The following DPYSL3 variants were observed in gnomAD, a reference collection of about 807,000 sequenced individuals.
DPYSL3 encodes dihydropyrimidinase-related protein 3.
Under a neutral mutation model 66.1 loss-of-function variants are expected in DPYSL3, and 16 were observed. That is an observed-to-expected ratio of 0.24 (90% confidence interval 0.16 to 0.37). DPYSL3 has a LOEUF of 0.37. Among genes scored for constraint, DPYSL3 ranks in the 10% least tolerant of loss-of-function variants. The pLI is 1.00. For synonymous variants in DPYSL3, 338 were observed against 345.1 expected, an observed-to-expected ratio of 0.98 and a Z score of 0.23; for missense variants, 738 against 916.2, an observed-to-expected ratio of 0.81 and a Z score of 2.51.
intron 12 of DPYSL3, among the ~76,000 whole-genome samples, chr5:147,395,965 G>C (rs1423656196): frequency 6.6e-6 from 1 of 152,150 alleles, no homozygotes; most frequent in African/African-American, 2.4e-5. Flanking sequence ...AAGGATCAAA[G>C]GACGTTGCTA....
intron 1 of DPYSL3, among the ~76,000 whole-genome samples, chr5:147,443,811 C>T (rs1011322081): frequency 3.3e-5 from 5 of 152,048 alleles, no homozygotes; most frequent in African/African-American, 1.2e-4. Context: ...TAATTCAATG[C>T]AAAGATGCTG....
chr5:147,477,939 G>A lies in DPYSL3; in HGVS notation c.381+31539C>T, dbSNP rs933852149. 4.6e-5 allele frequency among the ~76,000 whole-genome samples: 7 copies of A among 152,308 alleles called. No homozygotes were observed. The East Asian group carries it at 7.7e-4, about 17-fold the overall frequency. On this transcript the variant is annotated intron_variant, in intron 1 of 13. Coordinates refer to ENST00000343218, the MANE Select transcript of DPYSL3 (RefSeq NM_001197294.2). ...GATAAAGAAAAGATGTTAAAGGCAA[G>A]CAGAGAGAAAAGGAAGACTGCCTTT...
intron 1 of DPYSL3, among the ~76,000 whole-genome samples, chr5:147,437,383 A>G (rs1752431736): frequency 6.6e-6 from 1 of 152,224 alleles, no homozygotes; most frequent in Non-Finnish European, 1.5e-5. Context: ...ATGACAGGCA[A>G]TAGCTCCCCA....
intron 1 of DPYSL3, among the ~76,000 whole-genome samples, chr5:147,461,798 G>A (rs79974281): frequency 6.6e-6 from 1 of 152,026 alleles, no homozygotes; most frequent in Admixed American, 6.6e-5. Flanking sequence ...CCACCTAGCA[G>A]TCATTTTCAC....
At chr5:147,394,717 C>T (rs1356735890) in intron 13 of DPYSL3, among the ~76,000 whole-genome samples, 1 of 151,884 alleles carries the variant, frequency 6.6e-6, no homozygotes, top group Non-Finnish European at 1.5e-5. Flanking sequence ...AAAAAAATTG[C>T]TTATGACTAG....
intron 1 of DPYSL3, among the ~76,000 whole-genome samples, chr5:147,439,272 C>T (rs983229379): frequency 4.6e-5 from 7 of 151,674 alleles, no homozygotes; most frequent in Admixed American, 1.3e-4. Flanking sequence ...GATAAGGGGA[C>T]GGTGGAGGCT....
At chr5:147,478,445 A>G (rs915975128) in intron 1 of DPYSL3, among the ~76,000 whole-genome samples, 2 of 152,206 alleles carry the variant, frequency 1.3e-5, no homozygotes, top group Non-Finnish European at 2.9e-5. Context: ...AGAAGATGGT[A>G]CCTTTGGAAA....
At chr5:147,419,138 G>A (rs182149132) in intron 2 of DPYSL3, among the ~76,000 whole-genome samples, 23 of 152,228 alleles carry the variant, frequency 1.5e-4, no homozygotes, top group African/African-American at 5.3e-4. Flanking sequence ...TTCTGTCTGG[G>A]TTATTTCCCA....
intron 1 of DPYSL3, among the ~76,000 whole-genome samples, chr5:147,467,365 A>C (rs900286007): frequency 3.3e-5 from 5 of 152,200 alleles, no homozygotes; most frequent in African/African-American, 9.7e-5. Flanking sequence ...TTGCTGGTGT[A>C]TATCATTATA....
intron 1 of DPYSL3, among the ~76,000 whole-genome samples, chr5:147,444,850 T>C (rs535290361): frequency 2.6e-4 from 40 of 152,240 alleles, no homozygotes; most frequent in African/African-American, 9.2e-4. Context: ...CCATTCCATG[T>C]AAATGTCCAG....
Position 147,509,536 on chromosome 5 carries a change from AC to A in DPYSL3, c.322del (p.Val108Ter). ...TTTGCCGGTGGCGCTCCGGATCTCT[AC>A]CCCGGCGGGGGCGGGGGAGGCGGGC... Reference protein sequence around the residue: ...PAPASPAPAGVEIRSATGKEV... With the variant: ...PAPASPAPAGXEIRSATGKEV... On this transcript the variant is annotated frameshift_variant, in exon 1 of 14. Transcript: ENST00000343218. LOFTEE classifies it high-confidence loss of function. The surrounding 1 kb of genome is among the most constrained non-coding windows in gnomAD (Gnocchi z 5.3). The A allele has an allele frequency of 6.5e-7, 1 of 1,534,268 alleles. No homozygotes were observed. Among genetic ancestry groups the A allele is most frequent in the South Asian group, 1.2e-5 (1 of 83,854 alleles).
intron 1 of DPYSL3, among the ~76,000 whole-genome samples, chr5:147,502,920 G>A (rs1713946414): frequency 6.6e-6 from 1 of 152,094 alleles, no homozygotes; most frequent in African/African-American, 2.4e-5. Flanking sequence ...AAAATCAGCA[G>A]GTAAAGGGAG....
At chr5:147,464,969 G>A (rs1752988864) in intron 1 of DPYSL3, among the ~76,000 whole-genome samples, 1 of 152,128 alleles carries the variant, frequency 6.6e-6, no homozygotes, top group Admixed American at 6.5e-5. Flanking sequence ...GAGGGCAAAG[G>A]GAGAGAATTG....
chr5:147,402,652 C>T (rs1447100572), intron 8 of DPYSL3, among the ~76,000 whole-genome samples: 1 of 140,526 alleles, frequency 7.1e-6, no homozygotes, highest in Non-Finnish European at 1.5e-5. Context: ...CGGCCTATGA[C>T]TTTTTTTTTT....
chr5:147,430,525 G>GA (rs1044912952), intron 1 of DPYSL3, among the ~76,000 whole-genome samples: 12 of 129,706 alleles, frequency 9.3e-5, no homozygotes, highest in East Asian at 4.4e-4. Context: ...AAAAAAAAAA[G>GA]AAAAAAAAGG....
At chr5:147,444,887 T>G (rs1752602676) in intron 1 of DPYSL3, among the ~76,000 whole-genome samples, 1 of 151,886 alleles carries the variant, frequency 6.6e-6, no homozygotes, top group African/African-American at 2.4e-5. Flanking sequence ...AAAAGAACTA[T>G]GAGCTGCTTC....
At chr5:147,494,963 A>G (rs1753477702) in intron 1 of DPYSL3, among the ~76,000 whole-genome samples, 1 of 151,852 alleles carries the variant, frequency 6.6e-6, no homozygotes, top group African/African-American at 2.4e-5. Context: ...AGATGAAAAG[A>G]GCCAGTTCCT....
chr5:147,452,127 G>A (rs1752741058), intron 1 of DPYSL3, among the ~76,000 whole-genome samples: 1 of 152,148 alleles, frequency 6.6e-6, no homozygotes, highest in Non-Finnish European at 1.5e-5. Context: ...AAGCTCAGTT[G>A]CATGAAAAAG....
chr5:147,486,013 G>A (rs1400187784), intron 1 of DPYSL3, among the ~76,000 whole-genome samples: 2 of 152,134 alleles, frequency 1.3e-5, no homozygotes, highest in Non-Finnish European at 2.9e-5. Flanking sequence ...GGAATACTAT[G>A]CAGCCATAAA....
Sources: allele counts gnomAD v4.1 joint callset (sites outside exome capture counted in the v4.1 genomes callset), GRCh38; gene constraint gnomAD v4.1.1; non-coding constraint Gnocchi (gnomAD v3.1); transcripts MANE v1.5; gene names NCBI Gene and HGNC (gene_info 2026-07-23, HGNC 2026-07-21).